The following MSTO1 variants were observed in gnomAD, a reference collection of about 807,000 sequenced individuals.
MSTO1 encodes protein misato homolog 1.
A neutral mutation model predicts 55.7 loss-of-function variants in MSTO1; 24 were observed. The ratio of observed to expected loss-of-function variants is 0.43; its 90% confidence interval spans 0.31 to 0.61. The LOEUF is 0.61. Ranked by LOEUF, MSTO1 falls within the 20% of genes least tolerant of loss-of-function variation. MSTO1 has a pLI of 0.09. For missense variants in MSTO1, 363 were observed against 625.7 expected, an observed-to-expected ratio of 0.58 and a Z score of 4.48; for synonymous variants, 162 against 252.8, an observed-to-expected ratio of 0.64 and a Z score of 3.41.
the MSTO1 span, among the ~76,000 whole-genome samples, chr1:155,576,355 G>A: frequency 3.3e-5 from 5 of 151,454 alleles, no homozygotes; most frequent in East Asian, 5.9e-4. Context: ...TTTTTGAGAC[G>A]GAGTCTCTGT....
At chr1:155,565,098 G>A in the MSTO1 span, among the ~76,000 whole-genome samples, 2 of 151,834 alleles carry the variant, frequency 1.3e-5, no homozygotes, top group African/African-American at 4.8e-5. Context: ...TCCAGCCTGG[G>A]CAACAGTGCG....
the MSTO1 span, chr1:155,591,189 C>A: frequency 1.2e-6 from 2 of 1,612,758 alleles, no homozygotes; most frequent in Non-Finnish European, 1.7e-6. Context: ...GGGCAGGACG[C>A]AGGAGACCAG....
chr1:155,563,683 C>T, the MSTO1 span: 2 of 398,168 alleles, frequency 5.0e-6, no homozygotes, highest in African/African-American at 4.2e-5. Flanking sequence ...CTTAGTCTCC[C>T]TTTTCTTCCT....
At chr1:155,598,902 A>C in the MSTO1 span, 1 of 1,451,750 alleles carries the variant, frequency 6.9e-7, no homozygotes, top group Non-Finnish European at 9.6e-7. Context: ...GGCTGATACT[A>C]CGTATTCCAG....
chr1:155,582,985 C>T, the MSTO1 span, among the ~76,000 whole-genome samples: 21 of 151,482 alleles, frequency 1.4e-4, no homozygotes, highest in Non-Finnish European at 3.1e-4. Context: ...CCCTTCTCAG[C>T]CTCCCAAGTA....
the MSTO1 span, among the ~76,000 whole-genome samples, chr1:155,571,119 G>A: frequency 1.1e-3 from 162 of 152,220 alleles, 1 homozygote; most frequent in African/African-American, 3.0e-3. Context: ...TTCAGGCCAG[G>A]AGCTGAAGAC....
chr1:155,605,280 C>CAAAACAAAACA (rs1278837890), upstream of MSTO1, among the ~76,000 whole-genome samples: 1 of 151,760 alleles, frequency 6.6e-6, no homozygotes, highest in Non-Finnish European at 1.5e-5. Context: ...CAAAACAAAA[C>CAAAACAAAACA]AAAACAAAAC....
the MSTO1 span, chr1:155,598,723 A>G: frequency 1.9e-6 from 1 of 536,308 alleles, no homozygotes; most frequent in Non-Finnish European, 3.3e-6. Flanking sequence ...CCCAGTCTCA[A>G]ACAGCAAGAA....
chr1:155,612,142 T>C (rs750390488), intron 7 of MSTO1, 40 bp from the exon 8 acceptor site: 2 of 1,613,434 alleles, frequency 1.2e-6, no homozygotes, highest in African/African-American at 2.7e-5. Flanking sequence ...GAAGCTCTTC[T>C]CATCCTGCTA....
At chr1:155,583,425 C>T in the MSTO1 span, among the ~76,000 whole-genome samples, 1 of 151,822 alleles carries the variant, frequency 6.6e-6, no homozygotes, top group Admixed American at 6.6e-5. Context: ...GTAGTCCCAG[C>T]TGCTCAGGAG....
chr1:155,597,139 C>G, the MSTO1 span, among the ~76,000 whole-genome samples: 1 of 151,704 alleles, frequency 6.6e-6, no homozygotes, highest in Admixed American at 6.6e-5. Flanking sequence ...TGAGTGAATA[C>G]CAGACCTTAT....
the MSTO1 span, among the ~76,000 whole-genome samples, chr1:155,570,604 A>G: frequency 6.6e-6 from 1 of 152,234 alleles, no homozygotes. Flanking sequence ...AAGGGTGAGC[A>G]CGGTACTATG....
chr1:155,584,691 A>AAAAAAAAAAAAAAAAAAAAAAAG, the MSTO1 span, among the ~76,000 whole-genome samples: 6 of 75,570 alleles, frequency 7.9e-5, 1 homozygote, highest in Non-Finnish European at 1.4e-4. Context: ...AAAAAAAAAA[A>AAAAAAAAAAAAAAAAAAAAAAAG]AAAGAAAGAA....
At chr1:155,596,287 G>A in the MSTO1 span, among the ~76,000 whole-genome samples, 7 of 152,284 alleles carry the variant, frequency 4.6e-5, no homozygotes, top group Admixed American at 2.0e-4. Context: ...TTCCTCTGGG[G>A]TTTCTATGGA....
upstream of MSTO1, among the ~76,000 whole-genome samples, chr1:155,607,638 A>G (rs1672958634): frequency 6.6e-6 from 1 of 152,230 alleles, no homozygotes; most frequent in African/African-American, 2.4e-5. Flanking sequence ...CTCTTAGCAA[A>G]TCAGGACAGA....
the MSTO1 span, among the ~76,000 whole-genome samples, chr1:155,588,901 A>G: frequency 9.2e-5 from 14 of 152,156 alleles, no homozygotes; most frequent in Admixed American, 7.9e-4. Context: ...TCAGGCCTAT[A>G]TATTAATACA....
At chr1:155,576,945 G>A in the MSTO1 span, among the ~76,000 whole-genome samples, 2 of 144,276 alleles carry the variant, frequency 1.4e-5, no homozygotes, top group South Asian at 4.5e-4. Context: ...AACCCGGGAG[G>A]CGGAGGTTGC....
Position 155,610,292 on chromosome 1 carries a change from A to G in MSTO1, c.44A>G (p.His15Arg), listed in dbSNP as rs926774989. ...AREVLTLQLG[H>R]FAGFVGAHWW... ...GAGGTGCTCACACTGCAGTTGGGAC[A>G]TTTTGCCGGTTTCGTGGGCGCGCAC... is the stretch of plus-strand genomic sequence containing the variant. The change falls in exon 1 of 14, where the codon CAT (histidine) becomes CGT (arginine). Residue 15 changes from histidine to arginine, a missense_variant. Coordinates refer to ENST00000245564, the MANE Select transcript of MSTO1 (RefSeq NM_018116.4). 1 of 1,078,508 alleles carries G rather than the reference A, an allele frequency of 9.3e-7. No homozygotes were observed. The highest frequency in any genetic ancestry group is 1.6e-5 in the African/African-American group (1 of 61,580). The allele number at this position is 1,078,508 out of a possible 1,614,324, so 66.8% of individuals were successfully genotyped here.
At chr1:155,598,962 T>C in the MSTO1 span, 3 of 1,133,810 alleles carry the variant, frequency 2.6e-6, no homozygotes, top group Non-Finnish European at 3.9e-6. Flanking sequence ...TCAGTTATCT[T>C]GTTACCGTGG....
Sources: gnomAD v4.1 joint callset for allele counts (sites outside exome capture counted in the v4.1 genomes callset) on GRCh38, gnomAD v4.1.1 for gene constraint, MANE v1.5 for transcripts, NCBI Gene and HGNC (gene_info 2026-07-23, HGNC 2026-07-21) for gene names.